Variants in FHIP1A observed in about 807,000 individuals in gnomAD.
FHIP1A encodes the protein FHF complex subunit HOOK interacting protein 1A, also known as FHF complex subunit HOOK-interacting protein 1A.
A neutral mutation model predicts 88.6 loss-of-function variants in FHIP1A; 61 were observed. That is an observed-to-expected ratio of 0.69 (90% CI 0.56 to 0.85). The LOEUF (loss-of-function observed/expected upper bound fraction) is 0.85, where lower values mean the gene tolerates loss of function less well. Among genes scored for constraint, FHIP1A ranks in the 40% least tolerant of loss-of-function variants. FHIP1A has a pLI of 0.00. For missense variants in FHIP1A, 1,154 were observed against 1,273.5 expected (o/e 0.91, Z 1.43); for synonymous variants, 478 against 496.0 (o/e 0.96, Z 0.48).
At chr4:151,411,885 C>A (rs2126500481) in intron 1 of FHIP1A, among the ~76,000 whole-genome samples, 1 of 152,166 alleles carries the variant, frequency 6.6e-6, no homozygotes, top group Non-Finnish European at 1.5e-5. Flanking sequence ...GTTCTTAGCC[C>A]AGGTAGGGGA....
At chr4:151,616,400 C>G (rs1336131241) in intron 7 of FHIP1A, among the ~76,000 whole-genome samples, 1 of 151,430 alleles carries the variant, frequency 6.6e-6, no homozygotes, top group Non-Finnish European at 1.5e-5. Flanking sequence ...CATTATAGAA[C>G]CTGTGGTGGG....
rs1737249553 is a variant in FHIP1A at position 151,656,581 on chromosome 4, C to T, written c.2730+171C>T. On this transcript the variant is annotated intron_variant, in intron 12 of 13. Coordinates refer to ENST00000435205, the MANE Select transcript of FHIP1A (RefSeq NM_001109977.3). The surrounding 1 kb of genome is among the most constrained non-coding windows in gnomAD (Gnocchi z 4.2). ...AGTTTATTCTAGACAAACTGTAGAG[C>T]TTCATTTAGTTTGATGTTTTGACGG... Among the ~76,000 whole-genome samples the T allele has an allele frequency of 6.6e-6, 1 of 152,196 alleles. No individual in the cohort carries two copies. Among genetic ancestry groups the T allele is most frequent in the South Asian group, 2.1e-4 (1 of 4,832 alleles).
chr4:151,530,436 G>T (rs1731830549), intron 3 of FHIP1A, among the ~76,000 whole-genome samples: 3 of 151,994 alleles, frequency 2.0e-5, no homozygotes, highest in Admixed American at 6.6e-5. Context: ...CCTCAGTTAG[G>T]TACCTTCCTG....
At chr4:151,518,130 A>G (rs999260660) in intron 3 of FHIP1A, among the ~76,000 whole-genome samples, 1 of 152,200 alleles carries the variant, frequency 6.6e-6, no homozygotes, top group African/African-American at 2.4e-5. Flanking sequence ...CAGTCCTGCA[A>G]GCTCTATTCA....
intron 1 of FHIP1A, among the ~76,000 whole-genome samples, chr4:151,446,042 A>G (rs887147859): frequency 2.0e-5 from 3 of 151,598 alleles, no homozygotes; most frequent in Non-Finnish European, 4.4e-5. Context: ...GCTGCTTCCT[A>G]GAGTATATGT....
chr4:151,616,825 G>A (rs1397749627), intron 7 of FHIP1A, among the ~76,000 whole-genome samples: 1 of 152,098 alleles, frequency 6.6e-6, no homozygotes, highest in Non-Finnish European at 1.5e-5. Context: ...TTGGCTCACT[G>A]CAACCTCCAT....
intron 7 of FHIP1A, among the ~76,000 whole-genome samples, chr4:151,614,528 G>A (rs1735444421): frequency 6.6e-6 from 1 of 152,040 alleles, no homozygotes; most frequent in African/African-American, 2.4e-5. Context: ...TGGCAGTCTG[G>A]TGTATATTTT....
At chr4:151,537,432 A>G (rs1008882630) in intron 3 of FHIP1A, among the ~76,000 whole-genome samples, 2 of 151,984 alleles carry the variant, frequency 1.3e-5, no homozygotes, top group African/African-American at 4.8e-5. Context: ...ATCTCTGTTC[A>G]TGTCTTTTGC....
Position 151,649,374 on chromosome 4 carries a change from TC to T in FHIP1A, c.1418-84del, listed in dbSNP as rs1736911728. 5.5e-6 allele frequency: 5 copies of T among 914,442 alleles called. No individual in the cohort carries two copies. In the South Asian group the frequency reaches 8.5e-5, roughly 16 times the overall value. 56.6% of individuals were successfully genotyped at this position (914,442 alleles called of 1,614,324 possible). A position where few individuals can be genotyped will look rare whatever the true frequency, so the allele number is the denominator to read the frequency against. On this transcript the variant is annotated intron_variant, in intron 10 of 13. Transcript: ENST00000435205. ...ACCCAAAGTAGCTGGCAAGACACAG[TC>T]TTAGCCCGAATGGGTCACAACCCCA... is the stretch of plus-strand genomic sequence containing the variant.
intron 1 of FHIP1A, among the ~76,000 whole-genome samples, chr4:151,453,467 G>A (rs573236718): frequency 1.6e-4 from 25 of 152,242 alleles, no homozygotes; most frequent in African/African-American, 5.8e-4. Flanking sequence ...GGATAATAAT[G>A]GAGATAATGA....
In FHIP1A at chr4:151,657,628, G is replaced by T. The variant is rs192369202; in HGVS notation, c.2869+730G>T. ...CCCCTGAGCTGTGACTTAGGCCTTGGTAGGAGCAAAGCAGGAATGCCCCAT... is the reference window on the plus strand; with the variant it reads ...CCCCTGAGCTGTGACTTAGGCCTTGTTAGGAGCAAAGCAGGAATGCCCCAT... On this transcript the variant is annotated intron_variant, in intron 13 of 13. Transcript: ENST00000435205. Among the ~76,000 whole-genome samples the T allele has an allele frequency of 2.6e-5, 4 of 152,348 alleles. No homozygotes were observed. In the East Asian group the frequency reaches 5.8e-4, roughly 22 times the overall value.
chr4:151,610,327 G>A (rs1396256178), intron 7 of FHIP1A, among the ~76,000 whole-genome samples: 1 of 152,180 alleles, frequency 6.6e-6, no homozygotes, highest in Non-Finnish European at 1.5e-5. Context: ...TGACTAAACA[G>A]CTCTTTTGTT....
chr4:151,551,845 A>T (rs1732746214), intron 3 of FHIP1A, among the ~76,000 whole-genome samples: 1 of 152,214 alleles, frequency 6.6e-6, no homozygotes. Flanking sequence ...GGATCTAATT[A>T]AACTAAAGAG....
chr4:151,586,218 T>G (rs1208855288), intron 5 of FHIP1A, among the ~76,000 whole-genome samples: 1 of 152,184 alleles, frequency 6.6e-6, no homozygotes, highest in Admixed American at 6.5e-5. Context: ...TCCTCTAGAC[T>G]GGGGTATGTG....
chr4:151,580,291 T>A (rs967939869), intron 5 of FHIP1A, among the ~76,000 whole-genome samples: 2 of 152,172 alleles, frequency 1.3e-5, no homozygotes, highest in South Asian at 4.1e-4. Context: ...TAACCCTGCA[T>A]TTCCTGCAAA....
intron 11 of FHIP1A, among the ~76,000 whole-genome samples, chr4:151,654,894 A>G (rs543732882): frequency 6.6e-6 from 1 of 152,316 alleles, no homozygotes; most frequent in South Asian, 2.1e-4. Flanking sequence ...AATGCCACAC[A>G]TGAGGGGATG....
At chr4:151,588,693 T>G in intron 6 of FHIP1A, 147 bp from the exon 7 acceptor site, 1 of 690,486 alleles carries the variant, frequency 1.4e-6, no homozygotes, top group Non-Finnish European at 2.6e-6. Flanking sequence ...TATGACAGTA[T>G]GAGGTCTGAT....
At chr4:151,596,339 A>G (rs1211258805) in intron 7 of FHIP1A, among the ~76,000 whole-genome samples, 1 of 152,106 alleles carries the variant, frequency 6.6e-6, no homozygotes, top group Non-Finnish European at 1.5e-5. Context: ...AAGAATGTTG[A>G]ATGTTGGCCC....
chr4:151,502,427 G>A (rs1362112162), intron 3 of FHIP1A, among the ~76,000 whole-genome samples: 1 of 152,104 alleles, frequency 6.6e-6, no homozygotes, highest in Non-Finnish European at 1.5e-5. Flanking sequence ...ATTATAAAGT[G>A]AAACCATGTA....
Sources: gnomAD v4.1 joint callset for allele counts (sites outside exome capture counted in the v4.1 genomes callset) on GRCh38, gnomAD v4.1.1 for gene constraint, Gnocchi (gnomAD v3.1) non-coding constraint, MANE v1.5 for transcripts, NCBI Gene and HGNC (gene_info 2026-07-23, HGNC 2026-07-21) for gene names.